Variants in NKAIN3 observed in about 807,000 individuals in gnomAD.
NKAIN3 encodes sodium/potassium-transporting ATPase subunit beta-1-interacting protein 3.
In NKAIN3, 25 loss-of-function variants were observed where a neutral mutation model predicts 30.2. That is an observed-to-expected ratio of 0.83 (90% CI 0.60 to 1.16). The LOEUF is 1.16. Ranked by LOEUF, NKAIN3 falls within the 50% of genes most tolerant of loss-of-function variation. The pLI is 0.00. For synonymous variants in NKAIN3, 91 were observed against 89.6 expected, an observed-to-expected ratio of 1.02 and a Z score of -0.09; for missense variants, 225 against 254.1, an observed-to-expected ratio of 0.89 and a Z score of 0.78.
chr8:62,751,291 A>T (rs1419589056), intron 4 of NKAIN3, among the ~76,000 whole-genome samples: 1 of 152,156 alleles, frequency 6.6e-6, no homozygotes, highest in Non-Finnish European at 1.5e-5. Context: ...ACACCTCAGG[A>T]TATGTTAATT....
chr8:62,949,987 C>G (rs2130892884), intron 5 of NKAIN3, among the ~76,000 whole-genome samples: 1 of 152,258 alleles, frequency 6.6e-6, no homozygotes, highest in South Asian at 2.1e-4. Flanking sequence ...GAAATTCACA[C>G]CCTGATTTCC....
At chr8:62,258,555 G>T (rs1209766330) in intron 1 of NKAIN3, among the ~76,000 whole-genome samples, 2 of 152,104 alleles carry the variant, frequency 1.3e-5, no homozygotes, top group Non-Finnish European at 2.9e-5. Flanking sequence ...TACTTGAGAG[G>T]CTGAGGTGGG....
chr8:62,901,724 G>A (rs751832160), intron 4 of NKAIN3, among the ~76,000 whole-genome samples: 8 of 152,152 alleles, frequency 5.3e-5, no homozygotes, highest in African/African-American at 1.4e-4. Flanking sequence ...TCCCTACTAC[G>A]AAACATCCCC....
rs1226903365 is a variant in NKAIN3 at position 62,970,712 on chromosome 8, G to A, written c.*5305G>A. Among the ~76,000 whole-genome samples, 2 of 152,148 alleles carry A rather than the reference G, an allele frequency of 1.3e-5. No individual in the cohort carries two copies. The highest frequency in any genetic ancestry group is 6.5e-5 in the Admixed American group (1 of 15,268). ...AGGAAGGAAGAATCCAAAGTTGAAA[G>A]TCACCTAATTGGGATTTGAACAGTC... On this transcript the variant is annotated 3_prime_UTR_variant, in exon 7 of 7. Coordinates refer to ENST00000623646, the MANE Select transcript of NKAIN3 (RefSeq NM_001304533.3).
chr8:62,500,859 A>T (rs1696029600), intron 1 of NKAIN3, among the ~76,000 whole-genome samples: 1 of 151,856 alleles, frequency 6.6e-6, no homozygotes, highest in African/African-American at 2.4e-5. Flanking sequence ...TTCTCTTGCC[A>T]CTCTCTATGT....
intron 3 of NKAIN3, among the ~76,000 whole-genome samples, chr8:62,654,962 G>A (rs1812723564): frequency 2.0e-5 from 3 of 152,188 alleles, no homozygotes; most frequent in Non-Finnish European, 4.4e-5. Context: ...CTGGAACAAG[G>A]ATGAAAGTGT....
intron 3 of NKAIN3, among the ~76,000 whole-genome samples, chr8:62,632,506 G>A (rs1297117416): frequency 6.6e-6 from 1 of 151,998 alleles, no homozygotes; most frequent in Non-Finnish European, 1.5e-5. Context: ...ATTTACAAAT[G>A]TCTTTTTTTT....
At chr8:62,918,107 T>A (rs1822163182) in intron 4 of NKAIN3, among the ~76,000 whole-genome samples, 1 of 152,214 alleles carries the variant, frequency 6.6e-6, no homozygotes, top group Admixed American at 6.5e-5. Flanking sequence ...TTAGTGCTAG[T>A]ACAAAATGCT....
chr8:62,389,148 C>T (rs1413409441), intron 1 of NKAIN3, among the ~76,000 whole-genome samples: 2 of 152,142 alleles, frequency 1.3e-5, no homozygotes, highest in Non-Finnish European at 2.9e-5. Context: ...ACTTCATCTA[C>T]AGGAAAATAA....
chr8:62,616,624 G>GT (rs1563485150), intron 3 of NKAIN3, among the ~76,000 whole-genome samples: 1 of 151,950 alleles, frequency 6.6e-6, no homozygotes, highest in East Asian at 1.9e-4. Flanking sequence ...TTTGTTTTTT[G>GT]TTTTTTAAGC....
chr8:62,398,586 GACAAA>G (rs1817839216), intron 1 of NKAIN3, among the ~76,000 whole-genome samples: 1 of 152,180 alleles, frequency 6.6e-6, no homozygotes, highest in African/African-American at 2.4e-5. Flanking sequence ...TGAGAATGGT[GACAAA>G]ACAAACACGT....
chr8:62,656,479 G>T (rs1812768431), intron 3 of NKAIN3, among the ~76,000 whole-genome samples: 1 of 151,252 alleles, frequency 6.6e-6, no homozygotes, highest in Non-Finnish European at 1.5e-5. Context: ...AAAGAACAAA[G>T]AAAGAAAGAA....
At chr8:62,593,727 A>C (rs1810731045) in intron 3 of NKAIN3, among the ~76,000 whole-genome samples, 1 of 152,080 alleles carries the variant, frequency 6.6e-6, no homozygotes, top group South Asian at 2.1e-4. Context: ...ACCGGTATGC[A>C]ATTGGTTAAG....
chr8:62,724,319 A>G (rs1443784122), intron 3 of NKAIN3, among the ~76,000 whole-genome samples: 1 of 152,096 alleles, frequency 6.6e-6, no homozygotes, highest in Admixed American at 6.6e-5. Flanking sequence ...ACAGGCATAC[A>G]ATGTACAATA....
chr8:62,492,684 C>G (rs117372963), intron 1 of NKAIN3, among the ~76,000 whole-genome samples: 2 of 152,104 alleles, frequency 1.3e-5, no homozygotes, highest in Non-Finnish European at 2.9e-5. Context: ...TTTGAAATTA[C>G]GCTTTTTTTG....
At chr8:62,311,271 C>T (rs767103708) in intron 1 of NKAIN3, among the ~76,000 whole-genome samples, 4 of 150,180 alleles carry the variant, frequency 2.7e-5, no homozygotes, top group Admixed American at 6.6e-5. Context: ...ACAGCAGAGA[C>T]GGGTACTGGG....
chr8:62,726,087 T>C lies in NKAIN3; in HGVS notation c.274-20845T>C, dbSNP rs1018355070. 3.3e-5 allele frequency among the ~76,000 whole-genome samples: 5 copies of C among 152,214 alleles called. No homozygotes were observed. The East Asian group carries it at 7.7e-4, about 23-fold the overall frequency. On this transcript the variant is annotated intron_variant, in intron 3 of 6. Coordinates refer to ENST00000623646, the MANE Select transcript of NKAIN3 (RefSeq NM_001304533.3). ...GGTTAAATTAATCTTAGGTATTTATTTTATTTGGGGCTACTGTAAATGGAA... is the reference window on the plus strand; with the variant it reads ...GGTTAAATTAATCTTAGGTATTTATCTTATTTGGGGCTACTGTAAATGGAA...
chr8:62,736,573 C>T (rs1052469207), intron 3 of NKAIN3, among the ~76,000 whole-genome samples: 1 of 152,136 alleles, frequency 6.6e-6, no homozygotes, highest in Non-Finnish European at 1.5e-5. Flanking sequence ...TCCAGGCAGC[C>T]ACTAAGCAGG....
At chr8:62,853,804 G>A (rs908641624) in intron 4 of NKAIN3, among the ~76,000 whole-genome samples, 7 of 152,154 alleles carry the variant, frequency 4.6e-5, no homozygotes, top group Middle Eastern at 3.4e-3. Context: ...TTGTTAACTC[G>A]AGATCTTTCT....
Sources: gnomAD v4.1 joint callset for allele counts (sites outside exome capture counted in the v4.1 genomes callset) on GRCh38, gnomAD v4.1.1 for gene constraint, MANE v1.5 for transcripts, NCBI Gene and HGNC (gene_info 2026-07-23, HGNC 2026-07-21) for gene names.